VWA7: variants seen among roughly 807,000 people sequenced by gnomAD.
VWA7 encodes von Willebrand factor A domain-containing protein 7.
Under a neutral mutation model 83.1 loss-of-function variants are expected in VWA7, and 66 were observed. That is an observed-to-expected ratio of 0.79 (90% CI 0.65 to 0.98). The LOEUF is 0.98. VWA7 is among the 50% of genes least tolerant of loss of function. The pLI is 0.00. For synonymous variants in VWA7, 424 were observed against 488.5 expected (o/e 0.87, Z 1.74); for missense variants, 1,080 against 1,160.2 (o/e 0.93, Z 1.00).
At position 31,767,413 on chromosome 6, in the gene VWA7, T is replaced by TA; in HGVS notation, c.1737_1738insT (p.Thr580TyrfsTer9). 1 of 1,613,120 alleles carries TA rather than the reference T, an allele frequency of 6.2e-7. No homozygotes were observed. The highest frequency in any genetic ancestry group is 8.5e-7 in the Non-Finnish European group (1 of 1,179,922). On this transcript the variant is annotated frameshift_variant, in exon 12 of 17. Transcript: ENST00000375688. LOFTEE classifies it high-confidence loss of function. ...TCAGCTGTGACCTGGATCTCCCAGG[T>TA]TCCTGTCTGTGGAGGGTCATCCATG...
At position 31,776,178 on chromosome 6, in the gene VWA7, A is replaced by T. The variant is rs757474256; in HGVS notation, c.299T>A (p.Phe100Tyr). 1 of 1,614,016 alleles carries T rather than the reference A, an allele frequency of 6.2e-7. No homozygotes were observed. Among genetic ancestry groups the T allele is most frequent in the Non-Finnish European group, 8.5e-7 (1 of 1,180,012 alleles). ...AYFGPGSSRR[F>Y]RAALGEVSRA... ...AGACACCTCACCTAAGGCTGCTCGG[A>T]ACCGCCGAGAAGAACCAGGTCCAAA... is the stretch of plus-strand genomic sequence containing the variant. The change falls in exon 3 of 17, where the codon TTC (phenylalanine) becomes TAC (tyrosine). Residue 100 changes from phenylalanine to tyrosine, a missense_variant. Transcript: ENST00000375688. The surrounding 1 kb of genome is among the most constrained non-coding windows in gnomAD (Gnocchi z 6.2).
Position 31,769,188 on chromosome 6 carries a change from T to A in VWA7, c.1333A>T (p.Thr445Ser). Residue 445 changes from threonine (T) to serine (S), a missense_variant, in exon 10 of 17, where the codon ACT becomes TCT. By Grantham distance (58) the Thr-to-Ser change is moderately conservative. Coordinates refer to ENST00000375688, the MANE Select transcript of VWA7 (RefSeq NM_025258.3). The surrounding 1 kb of genome is among the most constrained non-coding windows in gnomAD (Gnocchi z 4.5). ...ERRCRVTFLVTEDTSRVQGRA... is the reference protein window; with the variant it reads ...ERRCRVTFLVSEDTSRVQGRA... ...CCCTGAACCCTTGATGTATCTTCAG[T>A]CACCAGGAATGTTACCTGTACCCAG... 1 of 1,611,604 alleles carries A rather than the reference T, an allele frequency of 6.2e-7. No individual in the cohort carries two copies. Among genetic ancestry groups the A allele is most frequent in the Non-Finnish European group, 8.5e-7 (1 of 1,179,026 alleles).
In VWA7 at chr6:31,774,539, C is replaced by T; in HGVS notation, c.698G>A (p.Gly233Glu). ...ACCTGGAGGTTTCGGGGGATGAGTT[C>T]CAAAGTAGCCAGAGGTGAGGAGTGT... Reference protein sequence around the residue: ...GFTLLTSGYFGTHPPKPPGKC... With the variant: ...GFTLLTSGYFETHPPKPPGKC... Residue 233 changes from glycine (G) to glutamate (E), a missense_variant, in exon 5 of 17, where the codon GGA becomes GAA. Coordinates refer to ENST00000375688, the MANE Select transcript of VWA7 (RefSeq NM_025258.3). 1 of 1,612,714 alleles carries T rather than the reference C, an allele frequency of 6.2e-7. No individual in the cohort carries two copies. Among genetic ancestry groups the T allele is most frequent in the Non-Finnish European group, 8.5e-7 (1 of 1,179,904 alleles).
chr6:31,766,097 C>G lies in VWA7; in HGVS notation c.2325-40G>C. ...TAGGCGTCGCTAAAGCTCCAGGCTG[C>G]CCAGAGCCTAGAGTCGGGACGCCTG... On this transcript the variant is annotated intron_variant, in intron 15 of 16. Coordinates refer to ENST00000375688, the MANE Select transcript of VWA7 (RefSeq NM_025258.3). This position sits in a 1 kb window ranked among gnomAD's most constrained non-coding sequence, Gnocchi z 4.9. 6.2e-7 allele frequency: 1 copy of G among 1,609,340 alleles called. No individual in the cohort carries two copies. Among genetic ancestry groups the G allele is most frequent in the Non-Finnish European group, 8.5e-7 (1 of 1,177,826 alleles).
Position 31,769,727 on chromosome 6 carries a change from T to A in VWA7, c.1265A>T (p.Asp422Val), listed in dbSNP as rs1441918437. 2 of 1,613,046 alleles carry A rather than the reference T, an allele frequency of 1.2e-6. No individual in the cohort carries two copies. Among genetic ancestry groups the A allele is most frequent in the Admixed American group, 3.3e-5 (2 of 60,022 alleles). ...TTCCACCTGGTTGGTGAGAAAGGCA[T>A]CCTTGGGGGAGGCATCCGTGAAGAC... ...IFVFTDASPKDAFLTNQVESL... is the reference protein window; with the variant it reads ...IFVFTDASPKVAFLTNQVESL... The change falls in exon 9 of 17, where the codon GAT (aspartate) becomes GTT (valine). Residue 422 changes from aspartate (D) to valine (V), a missense_variant. Physicochemically the swap from Asp to Val is radical, Grantham distance 152 (BLOSUM62 -3). Transcript: ENST00000375688. This position sits in a 1 kb window ranked among gnomAD's most constrained non-coding sequence, Gnocchi z 4.5.
chr6:31,766,581 G>T lies in VWA7; in HGVS notation c.2066C>A (p.Pro689His), dbSNP rs1811606134. 2 of 1,612,946 alleles carry T rather than the reference G, an allele frequency of 1.2e-6. No individual in the cohort carries two copies. Among genetic ancestry groups the T allele is most frequent in the African/African-American group, 1.3e-5 (1 of 75,058 alleles). The part of the protein sequence containing the change: ...ERGLLAASLS[P>H]TLLSTPRPFS... ...GGGTCTAGGGGTGGACAGCAGCGTG[G>T]GCGACAGCGAGGCTGCGAGGAGACC... The change falls in exon 14 of 17, where the codon CCC becomes CAC. Residue 689 changes from proline (P) to histidine (H), a missense_variant. Coordinates refer to ENST00000375688, the MANE Select transcript of VWA7 (RefSeq NM_025258.3). The surrounding 1 kb of genome is among the most constrained non-coding windows in gnomAD (Gnocchi z 4.9).
chr6:31,772,599 T>C lies in VWA7; in HGVS notation c.1087+355A>G, dbSNP rs1165629258. Among the ~76,000 whole-genome samples the C allele has an allele frequency of 1.7e-4, 23 of 133,472 alleles. 1 individual carries two copies. The East Asian group carries it at 2.9e-3, about 17-fold the overall frequency. The allele number at this position is 133,472 out of a possible 152,430, so 87.6% of individuals were successfully genotyped here. On this transcript the variant is annotated intron_variant, in intron 7 of 16. Coordinates refer to ENST00000375688, the MANE Select transcript of VWA7 (RefSeq NM_025258.3). The stretch of plus-strand genomic sequence containing the variant: ...TCTTTCTTTTCTTTTTTTTTTTTTT[T>C]TTTTTTTTTTTTTGTGACAGAGCTT...
chr6:31,771,172 T>A (rs1476364688), intron 7 of VWA7: 1 of 152,196 alleles, frequency 6.6e-6, no homozygotes, highest in African/African-American at 2.4e-5. Context: ...AAGTTCTTAG[T>A]TATACCTTTA....
intron 10 of VWA7, among the ~76,000 whole-genome samples, chr6:31,768,743 C>T (rs944672588): frequency 6.6e-6 from 1 of 151,974 alleles, no homozygotes; most frequent in Admixed American, 6.6e-5. Flanking sequence ...ACTTGGGAGG[C>T]TGAGGCAGGA....
intron 11 of VWA7, 25 bp downstream of exon 11, chr6:31,767,597 C>A (rs1162485324): frequency 1.2e-6 from 2 of 1,603,184 alleles, no homozygotes. Flanking sequence ...CCGGTCCCCT[C>A]TCTTCCCTCT....
rs778331749 is a variant in VWA7 at position 31,765,751 on chromosome 6, G to A, written c.2519C>T (p.Thr840Ile). The change falls in exon 17 of 17, where the codon ACC becomes ATC. Residue 840 changes from threonine to isoleucine, a missense_variant. Transcript: ENST00000375688. ...PAPQDRHTTPTGSSDPILTTA... is the reference protein window; with the variant it reads ...PAPQDRHTTPIGSSDPILTTA... ...GGTGAGGATCGGGTCAGATGAGCCG[G>A]TAGGGGTGGTGTGCCGGTCCTGTGG... 1.3e-6 allele frequency: 2 copies of A among 1,588,374 alleles called. No homozygotes were observed.
chr6:31,769,022 G>T lies in VWA7; in HGVS notation c.1499C>A (p.Ala500Asp). The T allele has an allele frequency of 1.2e-6, 2 of 1,610,090 alleles. No individual in the cohort carries two copies. ...VAAIVGESMA[A>D]LVTLPLDPPV... is the part of the protein sequence containing the mutation. ...AGGGCCCTGGCCCCCACTTACCAGGGCAGCCATGCTCTCCCCAACAATGGC... is the reference window on the plus strand; with the variant it reads ...AGGGCCCTGGCCCCCACTTACCAGGTCAGCCATGCTCTCCCCAACAATGGC... Residue 500 changes from alanine to aspartate, a missense_variant, in exon 10 of 17, where the codon GCC (alanine) becomes GAC (aspartate). Physicochemically the swap from Ala to Asp is moderately radical, Grantham distance 126. Transcript: ENST00000375688. The surrounding 1 kb of genome is among the most constrained non-coding windows in gnomAD (Gnocchi z 4.5).
At position 31,775,946 on chromosome 6, in the gene VWA7, A is replaced by C. The variant is rs374059063; in HGVS notation, c.513+18T>G. On this transcript the variant is annotated intron_variant, in intron 3 of 16. Transcript: ENST00000375688. This position sits in a 1 kb window ranked among gnomAD's most constrained non-coding sequence, Gnocchi z 5.9. ...GAAGTGAAGACCCCTCTGACCATCA[A>C]CCCAACCCTGTTCTCACCTGCAGGG... is the stretch of plus-strand genomic sequence containing the variant. The C allele has an allele frequency of 1.3e-5, 21 of 1,598,024 alleles. No individual in the cohort carries two copies. The highest frequency in any genetic ancestry group is 1.8e-5 in the Non-Finnish European group (21 of 1,171,552).
intron 7 of VWA7, chr6:31,771,690 A>G (rs1414876454): frequency 6.6e-6 from 1 of 152,166 alleles, no homozygotes; most frequent in Admixed American, 6.5e-5. Context: ...TCTATAGGAA[A>G]TGGAGAGAAT....
In VWA7 at chr6:31,767,659, G is replaced by A. The variant is rs1330284570; in HGVS notation, c.1599C>T (p.His533=). ...TGATCCAGAAGCTGCTGATGTCTCCGTGGATCCGGACTGTGATCTTCTGGA... is the reference window on the plus strand; with the variant it reads ...TGATCCAGAAGCTGCTGATGTCTCCATGGATCCGGACTGTGATCTTCTGGA... The part of the protein sequence containing the change: ...GLLQKITVRI[H]GDISSFWIKN... Residue 533 remains histidine (H), a synonymous_variant, in exon 11 of 17, where the codon CAC becomes CAT. Coordinates refer to ENST00000375688, the MANE Select transcript of VWA7 (RefSeq NM_025258.3). 1.2e-6 allele frequency: 2 copies of A among 1,613,324 alleles called. No homozygotes were observed. Among genetic ancestry groups the A allele is most frequent in the Non-Finnish European group, 1.7e-6 (2 of 1,179,426 alleles).
Position 31,766,444 on chromosome 6 carries a change from CT to C in VWA7, c.2184+18del, listed in dbSNP as rs761964772. ...CTAACTCTCTCCAGCCCCAGCCGCA[CT>C]TTCCCCTGGCGTCTCACCTCCAGAA... On this transcript the variant is annotated intron_variant, in intron 14 of 16. Transcript: ENST00000375688. This position sits in a 1 kb window ranked among gnomAD's most constrained non-coding sequence, Gnocchi z 4.9. 15 of 1,580,738 alleles carry C rather than the reference CT, an allele frequency of 9.5e-6. No homozygotes were observed. The highest frequency in any genetic ancestry group is 1.2e-5 in the Non-Finnish European group (14 of 1,162,894).
Position 31,766,330 on chromosome 6 carries a change from G to T in VWA7, c.2239C>A (p.Arg747Ser). The T allele has an allele frequency of 6.2e-7, 1 of 1,610,498 alleles. No homozygotes were observed. Among genetic ancestry groups the T allele is most frequent in the Non-Finnish European group, 8.5e-7 (1 of 1,179,102 alleles). ...TGAGGGCCCGAGAAGCTGGCGATGCGGAGACTGAGCGGGACTTTGCTGCCC... is the reference window on the plus strand; with the variant it reads ...TGAGGGCCCGAGAAGCTGGCGATGCTGAGACTGAGCGGGACTTTGCTGCCC... ...APGSKVPLSL[R>S]IASFSGPQDL... The change falls in exon 15 of 17, where the codon CGC becomes AGC. Residue 747 changes from arginine to serine, a missense_variant. Physicochemically the swap from Arg to Ser is moderately radical, Grantham distance 110. Coordinates refer to ENST00000375688, the MANE Select transcript of VWA7 (RefSeq NM_025258.3). This position sits in a 1 kb window ranked among gnomAD's most constrained non-coding sequence, Gnocchi z 4.9.
rs997765041 is a variant in VWA7, at chr6:31,773,462, G to A, written c.722-25C>T. ...CCTGGGTTGGGGAAAGGGATCTGGA[G>A]AGTGGAGGTCAAAAACCCACTGCCT... On this transcript the variant is annotated intron_variant, in intron 5 of 16. Coordinates refer to ENST00000375688, the MANE Select transcript of VWA7 (RefSeq NM_025258.3). This position sits in a 1 kb window ranked among gnomAD's most constrained non-coding sequence, Gnocchi z 5.3. 6.5e-7 allele frequency: 1 copy of A among 1,539,048 alleles called. No individual in the cohort carries two copies. Among genetic ancestry groups the A allele is most frequent in the Non-Finnish European group, 8.8e-7 (1 of 1,142,440 alleles).
intron 7 of VWA7, among the ~76,000 whole-genome samples, chr6:31,772,215 G>A (rs1262540451): frequency 6.6e-6 from 1 of 151,542 alleles, no homozygotes; most frequent in Non-Finnish European, 1.5e-5. Context: ...GTGCCATCAC[G>A]GCTCACTGCA....
Sources: gnomAD v4.1 joint callset for allele counts (sites outside exome capture counted in the v4.1 genomes callset) on GRCh38, gnomAD v4.1.1 for gene constraint, Gnocchi (gnomAD v3.1) non-coding constraint, MANE v1.5 for transcripts, NCBI Gene and HGNC (gene_info 2026-07-23, HGNC 2026-07-21) for gene names.